Variants in CHRDL1 observed in about 807,000 individuals in gnomAD.
CHRDL1 encodes chordin-like protein 1.
Under a neutral mutation model 40.9 loss-of-function variants are expected in CHRDL1, and 19 were observed. The ratio of observed to expected loss-of-function variants is 0.46; its 90% CI spans 0.32 to 0.68. The LOEUF is 0.68. Ranked by LOEUF, CHRDL1 falls within the 30% of genes least tolerant of loss-of-function variation. The probability of loss-of-function intolerance (pLI) is 0.03; values close to 1 mark genes in which losing one functional copy is unlikely to be tolerated. For synonymous variants in CHRDL1, 136 were observed against 123.4 expected (o/e 1.10, Z -0.68); for missense variants, 329 against 352.1 (o/e 0.93, Z 0.53).
At position 110,758,813 on chromosome X, in the gene CHRDL1, C is replaced by G. The variant is rs182407698; in HGVS notation, c.301+848G>C. 1.3e-3 allele frequency among the ~76,000 whole-genome samples: 144 copies of G among 111,964 alleles called. No homozygotes were observed. The Admixed American group carries it at 0.013, about 10-fold the overall frequency. On this transcript the variant is annotated intron_variant, in intron 4 of 11. Coordinates refer to ENST00000372042, the MANE Select transcript of CHRDL1 (RefSeq NM_001143981.2). ...AAACTGCAAGCAATTTTAAAGGGTT[C>G]TCTGACCCTCAAAAGCCCATCCAGG... is the stretch of plus-strand genomic sequence containing the variant.
chrX:110,742,421 A>G (rs1186582624), intron 4 of CHRDL1, among the ~76,000 whole-genome samples: 1 of 112,652 alleles, frequency 8.9e-6, no homozygotes, highest in Non-Finnish European at 1.9e-5. Context: ...CTGAAACAGC[A>G]TAAGTAATGG....
At chrX:110,763,431 T>C (rs2089600839) in intron 2 of CHRDL1, among the ~76,000 whole-genome samples, 1 of 110,075 alleles carries the variant, frequency 9.1e-6, no homozygotes, top group African/African-American at 3.3e-5. Flanking sequence ...CAATCTCATC[T>C]AGGTCATTGC....
Position 110,715,649 on chromosome X carries a change from G to A in CHRDL1, c.541+4186C>T, listed in dbSNP as rs35613284. 5.2e-3 allele frequency among the ~76,000 whole-genome samples: 586 copies of A among 112,002 alleles called. 16 individuals carry two copies. Among genetic ancestry groups the A allele is most frequent in the South Asian group, 0.033 (89 of 2,675 alleles). On this transcript the variant is annotated intron_variant, in intron 6 of 11. Coordinates refer to ENST00000372042, the MANE Select transcript of CHRDL1 (RefSeq NM_001143981.2). ...GAGCCTCTGTCCTTTGCATTATACC[G>A]TATTGCCCCTAGGTTGCAGTGACAT...
At chrX:110,746,689 T>C (rs780039405) in intron 4 of CHRDL1, among the ~76,000 whole-genome samples, 242 of 111,425 alleles carry the variant, frequency 2.2e-3, no homozygotes, top group African/African-American at 7.6e-3. Context: ...GGTCAATGCC[T>C]GGTTATGAGG....
intron 4 of CHRDL1, among the ~76,000 whole-genome samples, chrX:110,754,180 G>A (rs1268883135): frequency 2.7e-5 from 3 of 112,014 alleles, no homozygotes; most frequent in African/African-American, 9.7e-5. Flanking sequence ...CTATAACTTA[G>A]CAGCTTCAAT....
intron 2 of CHRDL1, among the ~76,000 whole-genome samples, chrX:110,785,735 C>T (rs2090007667): frequency 9.0e-6 from 1 of 111,694 alleles, no homozygotes; most frequent in Admixed American, 9.5e-5. Flanking sequence ...TTTGTTTTCC[C>T]TATACTTTTA....
intron 9 of CHRDL1, among the ~76,000 whole-genome samples, chrX:110,684,129 C>T: frequency 9.0e-6 from 1 of 111,431 alleles, no homozygotes; most frequent in Admixed American, 9.6e-5. Context: ...GACATCTTAC[C>T]CAACCCTGTA....
At chrX:110,760,556 T>A (rs771701166) in intron 3 of CHRDL1, among the ~76,000 whole-genome samples, 3 of 111,970 alleles carry the variant, frequency 2.7e-5, no homozygotes, top group Admixed American at 9.4e-5. Flanking sequence ...GGCATTGGGA[T>A]CATTTTAACA....
intron 2 of CHRDL1, among the ~76,000 whole-genome samples, chrX:110,770,601 T>C (rs1480891582): frequency 1.8e-5 from 2 of 111,230 alleles, no homozygotes; most frequent in Non-Finnish European, 3.8e-5. Context: ...ACTGGATCTT[T>C]AGGAAGATCA....
rs202226128 is a variant in CHRDL1 at position 110,688,678 on chromosome X, G to A, written c.904C>T (p.His302Tyr). 135 of 1,205,565 alleles carry A rather than the reference G, an allele frequency of 1.1e-4. 1 individual carries two copies. Among genetic ancestry groups the A allele is most frequent in the South Asian group, 1.8e-5 (1 of 56,605 alleles). ...TTGCAGGGGTATCGATTGGGGCAGTGGATTTTCTTACACTCTTGCTTGGTG... is the reference window on the plus strand; with the variant it reads ...TTGCAGGGGTATCGATTGGGGCAGTAGATTTTCTTACACTCTTGCTTGGTG... ...NVTKQECKKIHCPNRYPCKYP... is the reference protein window; with the variant it reads ...NVTKQECKKIYCPNRYPCKYP... Residue 302 changes from histidine (H) to tyrosine (Y), a missense_variant, in exon 9 of 12, where the codon CAC (histidine) becomes TAC (tyrosine). By Grantham distance (83) the His-to-Tyr change is moderately conservative (BLOSUM62 2). Coordinates refer to ENST00000372042, the MANE Select transcript of CHRDL1 (RefSeq NM_001143981.2).
At chrX:110,731,861 C>T (rs901677685) in intron 4 of CHRDL1, among the ~76,000 whole-genome samples, 6 of 110,386 alleles carry the variant, frequency 5.4e-5, no homozygotes, top group Admixed American at 2.9e-4. Flanking sequence ...TTAGAGATGA[C>T]GAAAATATTC....
intron 2 of CHRDL1, among the ~76,000 whole-genome samples, chrX:110,783,327 TG>T (rs2089973229): frequency 9.0e-6 from 1 of 111,699 alleles, no homozygotes; most frequent in African/African-American, 3.3e-5. Flanking sequence ...CCAAAAGTGC[TG>T]GAACACCATA....
Position 110,721,402 on chromosome X carries a change from T to C in CHRDL1, c.430A>G (p.Thr144Ala), listed in dbSNP as rs751288844. ...GGTCTTACCGAACAGCTGCACTGGG[T>C]GCATTGATTGGGTTGCCGATTCTGA... ...LFQNRQPNQC[T>A]QCSCSEGNVY... The change falls in exon 5 of 12, where the codon ACC becomes GCC. Residue 144 changes from threonine (T) to alanine (A), a missense_variant. Coordinates refer to ENST00000372042, the MANE Select transcript of CHRDL1 (RefSeq NM_001143981.2). 1.7e-5 allele frequency: 20 copies of C among 1,209,321 alleles called. No individual in the cohort carries two copies. In the African/African-American group the frequency reaches 2.1e-4, roughly 13 times the overall value.
rs144417315 is a variant in CHRDL1, at chrX:110,681,487, C to T, written c.1151G>A (p.Arg384Gln). The T allele has an allele frequency of 7.0e-4, 848 of 1,205,073 alleles. 4 individuals are homozygous for T. The African/African-American group carries it at 0.011, about 15-fold the overall frequency. Reference sequence around the variant, plus strand: ...ATTAATGTTGTCTTGCTCACCCTTTCGAATAGTCCAAACGTGGACCTCTAC... The same window carrying T: ...ATTAATGTTGTCTTGCTCACCCTTTTGAATAGTCCAAACGTGGACCTCTAC... ...PQVEVHVWTI[R>Q]KGILQHFHIE... The change falls in exon 10 of 12, where the codon CGA (arginine) becomes CAA (glutamine). Residue 384 changes from arginine (R) to glutamine (Q), a missense_variant. Physicochemically the swap from Arg to Gln is conservative, Grantham distance 43. Transcript: ENST00000372042.
chrX:110,749,252 T>C (rs919797345), intron 4 of CHRDL1, among the ~76,000 whole-genome samples: 6 of 111,694 alleles, frequency 5.4e-5, no homozygotes, highest in African/African-American at 2.0e-4. Flanking sequence ...GATGAATTTA[T>C]TGAAGAAAAG....
intron 2 of CHRDL1, among the ~76,000 whole-genome samples, chrX:110,764,025 G>T (rs185554439): frequency 0.029 from 3,186 of 111,677 alleles, 108 homozygotes; most frequent in African/African-American, 0.098. Context: ...TTTTTCATAT[G>T]TTTGTTGGGC....
chrX:110,689,683 C>CTATATATCTATATATCTATATATCTATA (rs2070165741), intron 8 of CHRDL1, among the ~76,000 whole-genome samples: 1 of 27,804 alleles, frequency 3.6e-5, no homozygotes, highest in Non-Finnish European at 5.2e-5. Context: ...ATCTATATAT[C>CTATATATCTATATATCTATATATCTATA]TATATATCTA....
At chrX:110,791,941 T>C (rs964322965) in intron 2 of CHRDL1, 147 bp downstream of exon 2, 3 of 431,563 alleles carry the variant, frequency 7.0e-6, no homozygotes, top group Non-Finnish European at 1.2e-5. Flanking sequence ...CTTTTATCAA[T>C]TCATGCATAA....
In CHRDL1 at chrX:110,688,727, C is replaced by T. The variant is rs772319696; in HGVS notation, c.855G>A (p.Glu285=). The T allele has an allele frequency of 4.3e-5, 52 of 1,207,378 alleles. No individual in the cohort carries two copies. The highest frequency in any genetic ancestry group is 5.3e-5 in the Non-Finnish European group (47 of 894,140). ...HPNLRAFGIV[E]CVLCTCNVTK... ...TGACATTACAAGTACATAGCACACA[C>T]TCCACAATGCCAAATGCCCGGAGGT... The change falls in exon 9 of 12, where the codon GAG becomes GAA. Residue 285 remains glutamate, a synonymous_variant. Coordinates refer to ENST00000372042, the MANE Select transcript of CHRDL1 (RefSeq NM_001143981.2).
Sources: gnomAD v4.1 joint callset for allele counts (sites outside exome capture counted in the v4.1 genomes callset) on GRCh38, gnomAD v4.1.1 for gene constraint, MANE v1.5 for transcripts, NCBI Gene and HGNC (gene_info 2026-07-23, HGNC 2026-07-21) for gene names.